The following UBASH3B variants were observed in gnomAD, a reference collection of about 807,000 sequenced individuals.
UBASH3B encodes the protein ubiquitin associated and SH3 domain containing B.
In UBASH3B, 37 loss-of-function variants were observed where a neutral mutation model predicts 83.4. The observed-to-expected ratio is 0.44, with a 90% CI of 0.34 to 0.58. UBASH3B has a LOEUF of 0.58. Among genes scored for constraint, UBASH3B ranks in the 20% least tolerant of loss-of-function variants. The pLI, the probability that UBASH3B is intolerant of heterozygous loss-of-function variation, is 0.01. For synonymous variants in UBASH3B, 304 were observed against 318.3 expected (o/e 0.96, Z 0.48); for missense variants, 657 against 827.2 (o/e 0.79, Z 2.52).
chr11:122,658,714 A>G (rs562010227), intron 1 of UBASH3B, among the ~76,000 whole-genome samples: 1 of 152,356 alleles, frequency 6.6e-6, no homozygotes, highest in East Asian at 1.9e-4. Flanking sequence ...ATCTAGGGCC[A>G]GTAGGGCCAG....
intron 1 of UBASH3B, among the ~76,000 whole-genome samples, chr11:122,767,617 G>T (rs1174193225): frequency 1.3e-5 from 2 of 152,044 alleles, no homozygotes; most frequent in African/African-American, 2.4e-5. Context: ...GGCCCCTTAT[G>T]CTCTTTTTGT....
chr11:122,670,866 G>A (rs536092599), intron 1 of UBASH3B, among the ~76,000 whole-genome samples: 6 of 152,008 alleles, frequency 3.9e-5, no homozygotes, highest in African/African-American at 1.2e-4. Context: ...AGGTTCAAGC[G>A]ATTCTCCTTC....
chr11:122,734,368 C>G (rs541970151), intron 1 of UBASH3B, among the ~76,000 whole-genome samples: 2 of 152,144 alleles, frequency 1.3e-5, no homozygotes, highest in East Asian at 3.9e-4. Context: ...CCTGAGCAGA[C>G]GGGGATTCCC....
At chr11:122,749,543 T>C (rs558403082) in intron 1 of UBASH3B, among the ~76,000 whole-genome samples, 1 of 152,282 alleles carries the variant, frequency 6.6e-6, no homozygotes, top group East Asian at 1.9e-4. Context: ...TGTTCCATTC[T>C]CTATTGTCAG....
chr11:122,711,721 A>G (rs1864195116), intron 1 of UBASH3B, among the ~76,000 whole-genome samples: 1 of 152,234 alleles, frequency 6.6e-6, no homozygotes, highest in African/African-American at 2.4e-5. Context: ...GAGTTTGCAA[A>G]TAACCTGCTG....
chr11:122,748,376 G>A (rs1228358237), intron 1 of UBASH3B, among the ~76,000 whole-genome samples: 3 of 152,118 alleles, frequency 2.0e-5, no homozygotes, highest in Non-Finnish European at 1.5e-5. Flanking sequence ...ATTCAGTAAC[G>A]ATCAACATAC....
At chr11:122,753,514 T>TTTTTTTTTTTGA (rs1861233814) in intron 1 of UBASH3B, among the ~76,000 whole-genome samples, 2 of 106,474 alleles carry the variant, frequency 1.9e-5, no homozygotes, top group African/African-American at 7.4e-5. Flanking sequence ...TTTTTTTTTT[T>TTTTTTTTTTTGA]GGTGATGGAG....
At chr11:122,723,511 A>G (rs1010785579) in intron 1 of UBASH3B, among the ~76,000 whole-genome samples, 20 of 152,226 alleles carry the variant, frequency 1.3e-4, no homozygotes, top group African/African-American at 4.8e-4. Context: ...CAAAAGGCCA[A>G]ATTCATCTGT....
intron 1 of UBASH3B, among the ~76,000 whole-genome samples, chr11:122,747,551 G>T (rs1477542136): frequency 1.3e-5 from 2 of 152,188 alleles, no homozygotes; most frequent in Non-Finnish European, 2.9e-5. Flanking sequence ...ACTTGACTGA[G>T]CCCCCGTTGG....
intron 6 of UBASH3B, among the ~76,000 whole-genome samples, chr11:122,792,709 A>G (rs1861081788): frequency 6.6e-6 from 1 of 152,202 alleles, no homozygotes; most frequent in African/African-American, 2.4e-5. Context: ...TGTGAACGGC[A>G]CAAGATTTCC....
intron 1 of UBASH3B, among the ~76,000 whole-genome samples, chr11:122,732,764 CCAA>C (rs1470123522): frequency 3.3e-5 from 5 of 152,182 alleles, no homozygotes; most frequent in African/African-American, 1.2e-4. Flanking sequence ...CTTGTGTAAA[CCAA>C]CAACTTTATC....
intron 1 of UBASH3B, among the ~76,000 whole-genome samples, chr11:122,746,902 G>A (rs775923242): frequency 1.2e-4 from 19 of 152,198 alleles, no homozygotes; most frequent in Admixed American, 5.9e-4. Flanking sequence ...AAAGGATTTC[G>A]CTGAATGGTG....
intron 1 of UBASH3B, among the ~76,000 whole-genome samples, chr11:122,727,247 A>G (rs1033104626): frequency 1.3e-5 from 2 of 152,100 alleles, no homozygotes; most frequent in Admixed American, 6.5e-5. Flanking sequence ...TTCTTCCACC[A>G]CAAGTGCTGA....
intron 1 of UBASH3B, among the ~76,000 whole-genome samples, chr11:122,771,882 C>A (rs1223382517): frequency 6.6e-6 from 1 of 152,020 alleles, no homozygotes; most frequent in East Asian, 1.9e-4. Context: ...ACTGCCCCAG[C>A]CTTAGGATCA....
intron 1 of UBASH3B, among the ~76,000 whole-genome samples, chr11:122,678,414 CT>C: frequency 6.6e-6 from 1 of 152,146 alleles, no homozygotes; most frequent in Non-Finnish European, 1.5e-5. Flanking sequence ...ACCCATGTTC[CT>C]TTGAGTCCAG....
chr11:122,789,119 C>T lies in UBASH3B; in HGVS notation c.791C>T (p.Pro264Leu), dbSNP rs1471355844. 6.8e-6 allele frequency: 11 copies of T among 1,613,242 alleles called. No individual in the cohort carries two copies. The highest frequency in any genetic ancestry group is 9.3e-6 in the Non-Finnish European group (11 of 1,179,978). The change falls in exon 6 of 14, where the codon CCC becomes CTC. Residue 264 changes from proline to leucine, a missense_variant. Pro to Leu is a moderately conservative substitution (Grantham distance 98). Around this residue, in one of 3 missense-constraint regions of UBASH3B, gnomAD observed 573 missense variants for 739.0 expected, o/e 0.78. Coordinates refer to ENST00000284273, the MANE Select transcript of UBASH3B (RefSeq NM_032873.5). ...TTCCAGACATTACAGGTCATCTACC[C>T]CTATACCCCACAAAATGACGATGAG... Reference protein sequence around the residue: ...ANHETLQVIYPYTPQNDDELE... With the variant: ...ANHETLQVIYLYTPQNDDELE...
At chr11:122,804,754 A>T (rs546611655) in intron 11 of UBASH3B, among the ~76,000 whole-genome samples, 1 of 152,196 alleles carries the variant, frequency 6.6e-6, no homozygotes, top group Non-Finnish European at 1.5e-5. Flanking sequence ...GGCCATGTGA[A>T]TTCATTTTGA....
chr11:122,733,047 C>T (rs977819328), intron 1 of UBASH3B, among the ~76,000 whole-genome samples: 2 of 152,184 alleles, frequency 1.3e-5, no homozygotes, highest in Admixed American at 6.5e-5. Context: ...AGGGTCTCCC[C>T]ACCCAACTGG....
intron 5 of UBASH3B, 114 bp from the exon 6 acceptor site, chr11:122,788,986 G>A (rs1342522498): frequency 1.6e-5 from 15 of 964,474 alleles, no homozygotes; most frequent in Admixed American, 4.1e-5. Context: ...GGGCTCCTGG[G>A]CACATCGCCC....
Sources: allele counts gnomAD v4.1 joint callset (sites outside exome capture counted in the v4.1 genomes callset), GRCh38; gene constraint gnomAD v4.1.1; regional missense constraint gnomAD v4.1.1; transcripts MANE v1.5; gene names NCBI Gene and HGNC (gene_info 2026-07-23, HGNC 2026-07-21).